The following NAALADL2 variants were observed in gnomAD, a reference collection of about 807,000 sequenced individuals.
NAALADL2 encodes the protein N-acetylated alpha-linked acidic dipeptidase like 2, also known as inactive N-acetylated-alpha-linked acidic dipeptidase-like protein 2.
In NAALADL2, 76 loss-of-function variants were observed where a neutral mutation model predicts 87.2. The observed-to-expected ratio is 0.87, with a 90% CI of 0.72 to 1.05. The LOEUF (loss-of-function observed/expected upper bound fraction) is 1.05, where lower values mean the gene tolerates loss of function less well. Among genes scored for constraint, NAALADL2 ranks in the 50% least tolerant of loss-of-function variants. The pLI, the probability that NAALADL2 is intolerant of heterozygous loss-of-function variation, is 0.00. For synonymous variants in NAALADL2, 354 were observed against 331.0 expected, an observed-to-expected ratio of 1.07 and a Z score of -0.75; for missense variants, 1,089 against 945.8, an observed-to-expected ratio of 1.15 and a Z score of -1.99.
At chr3:174,762,015 T>A (rs565348609) in intron 3 of NAALADL2, among the ~76,000 whole-genome samples, 1 of 152,270 alleles carries the variant, frequency 6.6e-6, no homozygotes, top group East Asian at 1.9e-4. Context: ...TATACATCTC[T>A]GGGCTGGTAT....
chr3:175,559,651 A>T lies in NAALADL2; in HGVS notation c.1654-16390A>T, dbSNP rs531072744. ...TTTTTGACGGTTTTATCATGAAGGGATGTTGAATTTTATTAAATGCTTTTT... is the reference window on the plus strand; with the variant it reads ...TTTTTGACGGTTTTATCATGAAGGGTTGTTGAATTTTATTAAATGCTTTTT... On this transcript the variant is annotated intron_variant, in intron 9 of 13. Coordinates refer to ENST00000454872, the MANE Select transcript of NAALADL2 (RefSeq NM_207015.3). Among the ~76,000 whole-genome samples, 70 of 152,244 alleles carry T rather than the reference A, an allele frequency of 4.6e-4. 2 individuals are homozygous for T. Among genetic ancestry groups the T allele is most frequent in the Middle Eastern group, 6.8e-3 (2 of 292 alleles).
At position 175,458,430 on chromosome 3, in the gene NAALADL2, T is replaced by A. The variant is rs1215962863; in HGVS notation, c.1235-4971T>A. Among the ~76,000 whole-genome samples, 4 of 149,870 alleles carry A rather than the reference T, an allele frequency of 2.7e-5. No homozygotes were observed. The East Asian group carries it at 7.8e-4, about 29-fold the overall frequency. On this transcript the variant is annotated intron_variant, in intron 6 of 13. Transcript: ENST00000454872. ...GTATATATGTATGTTCTCATGGATA[T>A]ATATAGATATATATACAATCAACAA...
chr3:174,809,832 G>A (rs1427107117), intron 3 of NAALADL2, among the ~76,000 whole-genome samples: 4 of 152,124 alleles, frequency 2.6e-5, no homozygotes, highest in African/African-American at 9.7e-5. Flanking sequence ...GGCCTCATGG[G>A]AGGTGATCAG....
At chr3:174,916,413 C>T (rs1390679640) in intron 1 of NAALADL2, among the ~76,000 whole-genome samples, 1 of 152,088 alleles carries the variant, frequency 6.6e-6, no homozygotes, top group Non-Finnish European at 1.5e-5. Flanking sequence ...GACACATGCA[C>T]ACACATGTTT....
intron 2 of NAALADL2, among the ~76,000 whole-genome samples, chr3:175,176,835 C>G (rs1421260350): frequency 2.0e-5 from 3 of 152,056 alleles, no homozygotes; most frequent in African/African-American, 7.2e-5. Flanking sequence ...AAACATAGTA[C>G]TGCTGAAACC....
intron 5 of NAALADL2, among the ~76,000 whole-genome samples, chr3:175,401,885 A>G (rs2149061540): frequency 6.6e-6 from 1 of 152,204 alleles, no homozygotes; most frequent in Non-Finnish European, 1.5e-5. Context: ...AGTCCAGTAG[A>G]CGATCATGAG....
intron 1 of NAALADL2, among the ~76,000 whole-genome samples, chr3:174,865,650 C>A (rs1205539233): frequency 6.6e-6 from 1 of 151,878 alleles, no homozygotes; most frequent in African/African-American, 2.4e-5. Context: ...ACATTGCTTC[C>A]ATTCTTGCTG....
chr3:175,269,882 A>G (rs1056596891), intron 4 of NAALADL2, among the ~76,000 whole-genome samples: 4 of 152,214 alleles, frequency 2.6e-5, no homozygotes, highest in African/African-American at 4.8e-5. Flanking sequence ...CCAAACAAAT[A>G]TGTTTTCAGA....
At chr3:175,726,395 G>C (rs906126493) in intron 11 of NAALADL2, among the ~76,000 whole-genome samples, 2 of 152,178 alleles carry the variant, frequency 1.3e-5, no homozygotes, top group East Asian at 1.9e-4. Context: ...GCCCTGGAAA[G>C]CTGCCAGTGA....
intron 5 of NAALADL2, among the ~76,000 whole-genome samples, chr3:175,435,759 GC>G (rs1718532297): frequency 6.6e-6 from 1 of 151,694 alleles, no homozygotes; most frequent in African/African-American, 2.4e-5. Flanking sequence ...CCTTTTTTGA[GC>G]CTGTTTCCTA....
chr3:175,153,066 A>G (rs1052160272), intron 2 of NAALADL2, among the ~76,000 whole-genome samples: 7 of 152,070 alleles, frequency 4.6e-5, no homozygotes, highest in Non-Finnish European at 8.8e-5. Flanking sequence ...ATATTTTCAT[A>G]TTTCTTATTT....
intron 2 of NAALADL2, among the ~76,000 whole-genome samples, chr3:174,612,452 A>G (rs1488233933): frequency 6.6e-6 from 1 of 151,906 alleles, no homozygotes; most frequent in Admixed American, 6.6e-5. Flanking sequence ...TATTTTCTAG[A>G]TCCTGTATGC....
intron 1 of NAALADL2, among the ~76,000 whole-genome samples, chr3:174,891,392 AAAG>A (rs1730856337): frequency 6.6e-6 from 1 of 152,010 alleles, no homozygotes; most frequent in African/African-American, 2.4e-5. Flanking sequence ...TGTATCCCTG[AAAG>A]AAGAACTGAA....
intron 3 of NAALADL2, among the ~76,000 whole-genome samples, chr3:174,828,432 GA>G (rs1390390323): frequency 6.6e-6 from 1 of 152,166 alleles, no homozygotes; most frequent in Non-Finnish European, 1.5e-5. Context: ...CACATTAATT[GA>G]GGCAGAAAGA....
chr3:174,864,548 T>C (rs1043824312), intron 1 of NAALADL2, among the ~76,000 whole-genome samples: 2 of 152,114 alleles, frequency 1.3e-5, no homozygotes, highest in Non-Finnish European at 2.9e-5. Flanking sequence ...AAAATCTTCT[T>C]GAAGAAAAGG....
chr3:175,018,700 A>C (rs1293576212), intron 1 of NAALADL2, among the ~76,000 whole-genome samples: 1 of 152,100 alleles, frequency 6.6e-6, no homozygotes, highest in Non-Finnish European at 1.5e-5. Context: ...AAAAGTGGCA[A>C]GTATCACATT....
intron 11 of NAALADL2, among the ~76,000 whole-genome samples, chr3:175,686,764 T>C (rs1028947907): frequency 6.6e-5 from 10 of 152,198 alleles, no homozygotes; most frequent in Non-Finnish European, 1.0e-4. Context: ...AATATCATTT[T>C]TTCCGTGACT....
chr3:175,115,889 A>G (rs1374858765), intron 2 of NAALADL2, among the ~76,000 whole-genome samples: 1 of 151,726 alleles, frequency 6.6e-6, no homozygotes, highest in African/African-American at 2.4e-5. Context: ...TATCCACCAC[A>G]ATCAAGTTGG....
chr3:175,324,953 G>A (rs1193693158), intron 5 of NAALADL2, among the ~76,000 whole-genome samples: 1 of 152,136 alleles, frequency 6.6e-6, no homozygotes, highest in Non-Finnish European at 1.5e-5. Context: ...TGGTGATTTT[G>A]GCAGATGCTC....
Sources: allele counts gnomAD v4.1 joint callset (sites outside exome capture counted in the v4.1 genomes callset), GRCh38; gene constraint gnomAD v4.1.1; transcripts MANE v1.5; gene names NCBI Gene and HGNC (gene_info 2026-07-23, HGNC 2026-07-21).